TCF12: variants seen among roughly 807,000 people sequenced by gnomAD.
TCF12 encodes the protein transcription factor 12, also known as DNA-binding protein HTF4.
A neutral mutation model predicts 86.0 loss-of-function variants in TCF12; 45 were observed. That is an observed-to-expected ratio of 0.52 (90% confidence interval 0.41 to 0.67). The LOEUF is 0.67. Among genes scored for constraint, TCF12 ranks in the 30% least tolerant of loss-of-function variants. The pLI, the probability that TCF12 is intolerant of heterozygous loss-of-function variation, is 0.00. For missense variants in TCF12, 881 were observed against 859.9 expected (o/e 1.02, Z -0.31); for synonymous variants, 330 against 299.6 (o/e 1.10, Z -1.05).
intron 10 of TCF12, 26 bp downstream of exon 10, chr15:57,232,456 A>G (rs1205603688): frequency 2.2e-5 from 34 of 1,567,086 alleles, no homozygotes; most frequent in Non-Finnish European, 2.9e-5. Context: ...TGACTAGGGT[A>G]CAGCAACACT....
At chr15:56,999,897 A>G (rs906628921) in intron 3 of TCF12, among the ~76,000 whole-genome samples, 4 of 152,076 alleles carry the variant, frequency 2.6e-5, no homozygotes, top group African/African-American at 9.7e-5. Context: ...AGTTTAATTC[A>G]TAATTAATAA....
Position 57,178,339 on chromosome 15 carries a change from A to G in TCF12, c.390+11873A>G, listed in dbSNP as rs971103317. Among the ~76,000 whole-genome samples the G allele has an allele frequency of 3.3e-5, 5 of 152,326 alleles. No individual in the cohort carries two copies. In the East Asian group the frequency reaches 9.6e-4, roughly 29 times the overall value. Reference sequence around the variant, plus strand: ...AATGTTTTGAAGACGTCCAGTACGTAATGTTTCATTTTATAAAGTATGGCA... The same window carrying G: ...AATGTTTTGAAGACGTCCAGTACGTGATGTTTCATTTTATAAAGTATGGCA... On this transcript the variant is annotated intron_variant, in intron 6 of 20. Transcript: ENST00000333725.
At chr15:56,961,282 T>C (rs1238097967) in intron 3 of TCF12, among the ~76,000 whole-genome samples, 2 of 152,218 alleles carry the variant, frequency 1.3e-5, no homozygotes, top group Admixed American at 6.5e-5. Flanking sequence ...TATGCTGTGC[T>C]AATAATTGCA....
intron 6 of TCF12, among the ~76,000 whole-genome samples, chr15:57,171,154 G>T (rs1324192100): frequency 4.0e-5 from 6 of 151,624 alleles, no homozygotes; most frequent in African/African-American, 1.5e-4. Context: ...GAAGAACAAG[G>T]CTACTAGAAT....
chr15:56,935,244 G>C (rs909762655), intron 3 of TCF12, among the ~76,000 whole-genome samples: 4 of 152,078 alleles, frequency 2.6e-5, no homozygotes, highest in African/African-American at 9.7e-5. Context: ...GTCTTAGTCT[G>C]CTTGGGCTGC....
chr15:56,996,749 T>TG (rs1281120780), intron 3 of TCF12, among the ~76,000 whole-genome samples: 1 of 151,508 alleles, frequency 6.6e-6, no homozygotes. Flanking sequence ...CAACAAGGTC[T>TG]AATGTCCAAA....
At chr15:57,139,816 AT>A (rs753475885) in intron 5 of TCF12, among the ~76,000 whole-genome samples, 2 of 152,186 alleles carry the variant, frequency 1.3e-5, no homozygotes, top group Non-Finnish European at 2.9e-5. Context: ...TCATTCTTTA[AT>A]TTCCATAATC....
intron 6 of TCF12, among the ~76,000 whole-genome samples, chr15:57,171,784 A>G (rs2055519945): frequency 6.6e-6 from 1 of 152,224 alleles, no homozygotes; most frequent in South Asian, 2.1e-4. Flanking sequence ...TATTGATGAA[A>G]CACAGAGCAT....
At chr15:57,095,726 A>T (rs2049277879) in intron 5 of TCF12, among the ~76,000 whole-genome samples, 1 of 152,142 alleles carries the variant, frequency 6.6e-6, no homozygotes, top group Non-Finnish European at 1.5e-5. Flanking sequence ...TGCAGGGCTG[A>T]GAGTTAGGAG....
intron 3 of TCF12, among the ~76,000 whole-genome samples, chr15:57,013,244 A>G (rs2064945786): frequency 6.6e-6 from 1 of 152,180 alleles, no homozygotes; most frequent in Non-Finnish European, 1.5e-5. Context: ...GCAATGTTAT[A>G]TAGACTTTGG....
At chr15:56,958,676 A>AGTGTGTGTGTGTGTGTGTGT (rs1324930525) in intron 3 of TCF12, among the ~76,000 whole-genome samples, 2 of 92,478 alleles carry the variant, frequency 2.2e-5, no homozygotes, top group South Asian at 4.1e-4. Context: ...AGAGAGAGAG[A>AGTGTGTGTGTGTGTGTGTGT]GAGTGTGTGT....
At chr15:57,224,298 A>G (rs1277173156) in intron 8 of TCF12, among the ~76,000 whole-genome samples, 1 of 152,144 alleles carries the variant, frequency 6.6e-6, no homozygotes, top group Non-Finnish European at 1.5e-5. Context: ...CTAGCAAACA[A>G]GTTTCAAACC....
At chr15:57,086,007 G>A (rs1004138533) in intron 4 of TCF12, among the ~76,000 whole-genome samples, 1 of 151,898 alleles carries the variant, frequency 6.6e-6, no homozygotes, top group African/African-American at 2.4e-5. Flanking sequence ...GAAACTGATT[G>A]GACATTTATA....
At chr15:57,284,688 TC>T (rs2061856340) in intron 20 of TCF12, among the ~76,000 whole-genome samples, 1 of 152,240 alleles carries the variant, frequency 6.6e-6, no homozygotes, top group East Asian at 1.9e-4. Flanking sequence ...CTAACACTTC[TC>T]TTGGAGCCTG....
intron 6 of TCF12, among the ~76,000 whole-genome samples, chr15:57,187,528 C>CA (rs1443732604): frequency 1.1e-4 from 17 of 151,932 alleles, no homozygotes; most frequent in African/African-American, 3.4e-4. Context: ...ATAATAATTG[C>CA]AAAAAAATCT....
chr15:57,124,489 T>C (rs1777924950), intron 5 of TCF12, among the ~76,000 whole-genome samples: 1 of 152,080 alleles, frequency 6.6e-6, no homozygotes, highest in Non-Finnish European at 1.5e-5. Flanking sequence ...ATGGATCCGA[T>C]TGAACTGGTT....
intron 3 of TCF12, among the ~76,000 whole-genome samples, chr15:57,051,741 G>C (rs1375620271): frequency 3.3e-5 from 5 of 152,172 alleles, no homozygotes; most frequent in African/African-American, 1.2e-4. Context: ...CTTACCCAGA[G>C]AGTCTGGTTT....
intron 8 of TCF12, among the ~76,000 whole-genome samples, chr15:57,211,621 T>C (rs1018970286): frequency 6.6e-6 from 1 of 152,212 alleles, no homozygotes; most frequent in Non-Finnish European, 1.5e-5. Flanking sequence ...TGTGAGGGTT[T>C]AGACTTTTAA....
intron 7 of TCF12, among the ~76,000 whole-genome samples, chr15:57,195,570 C>G (rs1022390967): frequency 6.6e-6 from 1 of 152,132 alleles, no homozygotes; most frequent in South Asian, 2.1e-4. Context: ...TATAGGCTTG[C>G]CTCTTGGGGT....
Sources: allele counts gnomAD v4.1 joint callset (sites outside exome capture counted in the v4.1 genomes callset), GRCh38; gene constraint gnomAD v4.1.1; transcripts MANE v1.5; gene names NCBI Gene and HGNC (gene_info 2026-07-23, HGNC 2026-07-21).